Variants in VSNL1 observed in about 807,000 individuals in gnomAD.
VSNL1 encodes visinin-like protein 1.
In VSNL1, 6 loss-of-function variants were observed where a neutral mutation model predicts 20.4. That is an observed-to-expected ratio of 0.29 (90% CI 0.16 to 0.58). VSNL1 has a LOEUF of 0.58. VSNL1 is among the 20% of genes least tolerant of loss of function. VSNL1 has a pLI of 0.90. For missense variants in VSNL1, 100 were observed against 234.5 expected (o/e 0.43, Z 3.75); for synonymous variants, 93 against 86.4 (o/e 1.08, Z -0.42).
chr2:17,593,492 T>C (rs1247594580), intron 2 of VSNL1, among the ~76,000 whole-genome samples: 1 of 152,078 alleles, frequency 6.6e-6, no homozygotes, highest in Non-Finnish European at 1.5e-5. Flanking sequence ...AGCAGGGAAG[T>C]GATGAACCCA....
rs544336432 is a variant in VSNL1, at chr2:17,584,485, G to A, written c.-5-7585G>A. On this transcript the variant is annotated intron_variant, in intron 1 of 3. Transcript: ENST00000295156. ...GAGCCCCTGGACATCTGGCCCCCAA[G>A]TTTCTAAGTGGGTTTTAGCTTGAGA... Among the ~76,000 whole-genome samples, 3 of 152,260 alleles carry A rather than the reference G, an allele frequency of 2.0e-5. No individual in the cohort carries two copies. In the East Asian group the frequency reaches 5.8e-4, roughly 29 times the overall value.
intron 1 of VSNL1, among the ~76,000 whole-genome samples, chr2:17,591,353 A>G (rs1023915848): frequency 6.6e-6 from 1 of 152,250 alleles, no homozygotes; most frequent in African/African-American, 2.4e-5. Flanking sequence ...ACATTATCTT[A>G]TGCACTATTA....
intron 2 of VSNL1, among the ~76,000 whole-genome samples, chr2:17,621,020 C>A (rs187769795): frequency 3.9e-5 from 6 of 152,122 alleles, no homozygotes; most frequent in African/African-American, 1.4e-4. Context: ...AATAGGAAAA[C>A]TATAATAGAC....
chr2:17,593,872 G>A (rs1406537905), intron 2 of VSNL1, among the ~76,000 whole-genome samples: 1 of 152,014 alleles, frequency 6.6e-6, no homozygotes, highest in Non-Finnish European at 1.5e-5. Context: ...ATCACCTAGG[G>A]GCTAGTCCAT....
In VSNL1 at chr2:17,655,294, A is replaced by G; in HGVS notation, c.476A>G (p.Asp159Gly). The G allele has an allele frequency of 6.2e-7, 1 of 1,614,174 alleles. No homozygotes were observed. Among genetic ancestry groups the G allele is most frequent in the Non-Finnish European group, 8.5e-7 (1 of 1,180,028 alleles). ...QRVDKIFSKM[D>G]KNKDDQITLD... ...GTAGACAAGATTTTCAGCAAGATGG[A>G]TAAGAACAAAGATGACCAGATTACA... is the stretch of plus-strand genomic sequence containing the variant. Residue 159 changes from aspartate to glycine, a missense_variant, in exon 4 of 4, where the codon GAT becomes GGT. Coordinates refer to ENST00000295156, the MANE Select transcript of VSNL1 (RefSeq NM_003385.5). The surrounding 1 kb of genome is among the most constrained non-coding windows in gnomAD (Gnocchi z 5.2).
At chr2:17,598,703 T>C (rs142322556) in intron 2 of VSNL1, among the ~76,000 whole-genome samples, 3 of 152,342 alleles carry the variant, frequency 2.0e-5, no homozygotes, top group African/African-American at 7.2e-5. Flanking sequence ...TCATTGAGGA[T>C]TCTGTAGTCC....
At chr2:17,628,315 A>AT (rs1160021179) in intron 2 of VSNL1, among the ~76,000 whole-genome samples, 1 of 152,230 alleles carries the variant, frequency 6.6e-6, no homozygotes, top group Non-Finnish European at 1.5e-5. Context: ...AGTGTGAAGA[A>AT]TTTGAATAAA....
intron 2 of VSNL1, among the ~76,000 whole-genome samples, chr2:17,648,610 CTTG>C (rs1354889861): frequency 6.6e-6 from 1 of 152,184 alleles, no homozygotes; most frequent in Non-Finnish European, 1.5e-5. Context: ...GCAGTTCTTC[CTTG>C]TTAATTATCA....
chr2:17,621,276 CTTTCTTTT>C (rs1277745702), intron 2 of VSNL1, among the ~76,000 whole-genome samples: 1 of 149,976 alleles, frequency 6.7e-6, no homozygotes, highest in African/African-American at 2.5e-5. Flanking sequence ...CTTTCTTCCT[CTTTCTTTT>C]TTTCTCTCTC....
chr2:17,543,372 T>C (rs1336237465), intron 1 of VSNL1, among the ~76,000 whole-genome samples: 1 of 152,236 alleles, frequency 6.6e-6, no homozygotes, highest in Non-Finnish European at 1.5e-5. Flanking sequence ...GAATCCAGCC[T>C]TCAAAGACAC....
chr2:17,600,406 G>A (rs2555081), intron 2 of VSNL1, among the ~76,000 whole-genome samples: 3 of 152,194 alleles, frequency 2.0e-5, no homozygotes, highest in African/African-American at 7.2e-5. Context: ...ACCTCAGCAT[G>A]GGAGGATATC....
chr2:17,625,017 G>A (rs1206800944), intron 2 of VSNL1, among the ~76,000 whole-genome samples: 6 of 152,192 alleles, frequency 3.9e-5, no homozygotes, highest in Non-Finnish European at 5.9e-5. Context: ...GACCTGGTGG[G>A]AGATAACTGA....
chr2:17,569,558 T>C (rs1295073863), intron 1 of VSNL1, among the ~76,000 whole-genome samples: 2 of 152,114 alleles, frequency 1.3e-5, no homozygotes, highest in South Asian at 2.1e-4. Flanking sequence ...CTTCTCATTC[T>C]AGCTTCATTA....
In VSNL1 at chr2:17,587,456, G is replaced by A. The variant is rs76257919; in HGVS notation, c.-5-4614G>A. 8.2e-3 allele frequency among the ~76,000 whole-genome samples: 1,246 copies of A among 152,134 alleles called. 18 individuals carry two copies. The highest frequency in any genetic ancestry group is 0.029 in the African/African-American group (1,216 of 41,470). ...GCTTATGGAAAAAAGATGCTCATGG[G>A]TGCTTCTTGGCTCCCTTGTAGGCCC... On this transcript the variant is annotated intron_variant, in intron 1 of 3. Coordinates refer to ENST00000295156, the MANE Select transcript of VSNL1 (RefSeq NM_003385.5).
intron 1 of VSNL1, among the ~76,000 whole-genome samples, chr2:17,583,185 C>T (rs2103367214): frequency 6.6e-6 from 1 of 152,290 alleles, no homozygotes; most frequent in Non-Finnish European, 1.5e-5. Context: ...ATGCCACTCA[C>T]CCCCTCCACC....
At chr2:17,588,062 C>G (rs1390851565) in intron 1 of VSNL1, among the ~76,000 whole-genome samples, 2 of 152,172 alleles carry the variant, frequency 1.3e-5, no homozygotes, top group African/African-American at 4.8e-5. Context: ...CTGAACTTCT[C>G]TGTATGACAA....
intron 1 of VSNL1, among the ~76,000 whole-genome samples, chr2:17,560,197 C>CATAT (rs34898980): frequency 0.032 from 4,729 of 148,040 alleles, 78 homozygotes; most frequent in Middle Eastern, 0.054. Flanking sequence ...AGGAAAACAT[C>CATAT]ATATATATAT....
At chr2:17,623,853 G>C (rs1409605725) in intron 2 of VSNL1, among the ~76,000 whole-genome samples, 1 of 152,086 alleles carries the variant, frequency 6.6e-6, no homozygotes, top group East Asian at 1.9e-4. Context: ...ATAAATTAAA[G>C]AATTAATAGC....
rs946791455 is a variant in VSNL1, at chr2:17,649,024, G to A, written c.163-386G>A. On this transcript the variant is annotated intron_variant, in intron 2 of 3. Coordinates refer to ENST00000295156, the MANE Select transcript of VSNL1 (RefSeq NM_003385.5). This position sits in a 1 kb window ranked among gnomAD's most constrained non-coding sequence, Gnocchi z 6.4. Reference sequence around the variant, plus strand: ...ATGAAGCCAGATTCTCATATCTAGAGGAACATTGAAGTTCGTGTAGCACCA... The same window carrying A: ...ATGAAGCCAGATTCTCATATCTAGAAGAACATTGAAGTTCGTGTAGCACCA... Among the ~76,000 whole-genome samples, 7 of 152,180 alleles carry A rather than the reference G, an allele frequency of 4.6e-5. No individual in the cohort carries two copies. Among genetic ancestry groups the A allele is most frequent in the Non-Finnish European group, 1.0e-4 (7 of 68,028 alleles).
Sources: gnomAD v4.1 joint callset for allele counts (sites outside exome capture counted in the v4.1 genomes callset) on GRCh38, gnomAD v4.1.1 for gene constraint, Gnocchi (gnomAD v3.1) non-coding constraint, MANE v1.5 for transcripts, NCBI Gene and HGNC (gene_info 2026-07-23, HGNC 2026-07-21) for gene names.